The following PLCL1 variants were observed in gnomAD, a reference collection of about 807,000 sequenced individuals.
The protein encoded by PLCL1 is phospholipase C like 1 (inactive), also known as inactive phospholipase C-like protein 1.
In PLCL1, 41 loss-of-function variants were observed where a neutral mutation model predicts 84.4. The observed-to-expected ratio is 0.49, with a 90% CI of 0.38 to 0.63. The LOEUF (loss-of-function observed/expected upper bound fraction) is 0.63, where lower values mean the gene tolerates loss of function less well. Among genes scored for constraint, PLCL1 ranks in the 30% least tolerant of loss-of-function variants. The pLI, the probability that PLCL1 is intolerant of heterozygous loss-of-function variation, is 0.00. For synonymous variants in PLCL1, 490 were observed against 488.3 expected (o/e 1.00, Z -0.05); for missense variants, 1,206 against 1,367.8 (o/e 0.88, Z 1.87).
chr2:197,822,303 C>A (rs778460628), intron 1 of PLCL1, among the ~76,000 whole-genome samples: 11 of 152,142 alleles, frequency 7.2e-5, no homozygotes, highest in Non-Finnish European at 1.3e-4. Context: ...GAGCCAATTT[C>A]ATTTTCAGTC....
intron 2 of PLCL1, among the ~76,000 whole-genome samples, chr2:198,086,507 G>A (rs1266184163): frequency 6.6e-6 from 1 of 152,072 alleles, no homozygotes; most frequent in Non-Finnish European, 1.5e-5. Flanking sequence ...TGTAGTCCCA[G>A]CTACCCAGGA....
Position 198,120,361 on chromosome 2 carries a change from A to G in PLCL1, c.3105+16425A>G, listed in dbSNP as rs138171717. 2.0e-5 allele frequency among the ~76,000 whole-genome samples: 3 copies of G among 152,132 alleles called. No individual in the cohort carries two copies. The East Asian group carries it at 5.8e-4, about 29-fold the overall frequency. On this transcript the variant is annotated intron_variant, in intron 5 of 5. Transcript: ENST00000428675. The stretch of plus-strand genomic sequence containing the variant: ...TCTTTTAGTTATTTTTAAATATACA[A>G]TTAAATTATTATTGACTATAGTCAC...
At chr2:198,038,221 CAT>C (rs1309253441) in intron 1 of PLCL1, among the ~76,000 whole-genome samples, 3 of 152,154 alleles carry the variant, frequency 2.0e-5, no homozygotes, top group Non-Finnish European at 4.4e-5. Flanking sequence ...CACACACACA[CAT>C]ACCCCTTGTG....
intron 1 of PLCL1, among the ~76,000 whole-genome samples, chr2:198,011,787 A>C (rs1455793287): frequency 1.3e-5 from 2 of 152,022 alleles, no homozygotes; most frequent in Non-Finnish European, 2.9e-5. Flanking sequence ...AGGTGCTGTA[A>C]TGTTAAGTAC....
chr2:197,922,366 AT>A (rs574792930), intron 1 of PLCL1, among the ~76,000 whole-genome samples: 80 of 97,848 alleles, frequency 8.2e-4, no homozygotes, highest in African/African-American at 2.5e-3. Flanking sequence ...AGGCAGAAGA[AT>A]TTTTCTTAGT....
At chr2:198,141,477 C>CA (rs60334474) in intron 5 of PLCL1, among the ~76,000 whole-genome samples, 3,925 of 79,098 alleles carry the variant, frequency 0.05, 114 homozygotes, top group African/African-American at 0.083. Flanking sequence ...AGTGTAACAT[C>CA]AAAAAAAAAA....
At chr2:198,113,607 G>A (rs565337389) in intron 5 of PLCL1, among the ~76,000 whole-genome samples, 88 of 152,014 alleles carry the variant, frequency 5.8e-4, no homozygotes, top group Middle Eastern at 3.4e-3. Flanking sequence ...ACAGTGGTGA[G>A]TAAATATTCC....
chr2:197,833,160 G>A (rs754533916), intron 1 of PLCL1, among the ~76,000 whole-genome samples: 2 of 152,088 alleles, frequency 1.3e-5, no homozygotes, highest in African/African-American at 2.4e-5. Flanking sequence ...CTCTCAATAA[G>A]GTAGGTATTG....
At chr2:198,045,701 C>T (rs1344764526) in intron 1 of PLCL1, among the ~76,000 whole-genome samples, 2 of 152,188 alleles carry the variant, frequency 1.3e-5, no homozygotes, top group Non-Finnish European at 2.9e-5. Flanking sequence ...ATCAATGGCT[C>T]TGCCAGATTC....
chr2:198,027,982 C>T (rs1691313769), intron 1 of PLCL1, among the ~76,000 whole-genome samples: 2 of 151,962 alleles, frequency 1.3e-5, no homozygotes, highest in Admixed American at 6.6e-5. Flanking sequence ...TACAGTTATG[C>T]ACTACCATGC....
At chr2:198,057,526 T>C (rs1692097337) in intron 1 of PLCL1, among the ~76,000 whole-genome samples, 1 of 152,116 alleles carries the variant, frequency 6.6e-6, no homozygotes, top group Admixed American at 6.6e-5. Context: ...AAAGCAGTAA[T>C]AAAAGGAGGA....
intron 1 of PLCL1, among the ~76,000 whole-genome samples, chr2:197,817,480 G>A (rs1305758285): frequency 1.3e-5 from 2 of 152,010 alleles, no homozygotes; most frequent in African/African-American, 2.4e-5. Context: ...GGGTTTTGCT[G>A]TGTTTCCCAG....
At chr2:198,103,334 G>A (rs998602179) in intron 4 of PLCL1, among the ~76,000 whole-genome samples, 8 of 151,314 alleles carry the variant, frequency 5.3e-5, no homozygotes, top group African/African-American at 1.9e-4. Flanking sequence ...ATATTTTTGG[G>A]GTACATGAGA....
intron 1 of PLCL1, among the ~76,000 whole-genome samples, chr2:197,933,269 T>C (rs957058271): frequency 8.1e-5 from 12 of 147,440 alleles, no homozygotes; most frequent in South Asian, 2.1e-4. Context: ...TCTTTTCTTT[T>C]TTTTTTTTTT....
At chr2:198,070,600 A>G (rs1383031515) in intron 1 of PLCL1, among the ~76,000 whole-genome samples, 1 of 152,032 alleles carries the variant, frequency 6.6e-6, no homozygotes, top group East Asian at 1.9e-4. Context: ...ATTTTTACAT[A>G]TTGTATTAGA....
intron 1 of PLCL1, among the ~76,000 whole-genome samples, chr2:198,034,438 C>A (rs1015025967): frequency 1.3e-5 from 2 of 152,072 alleles, no homozygotes; most frequent in African/African-American, 4.8e-5. Context: ...ATGTTTACTG[C>A]GGCACTATTC....
intron 5 of PLCL1, among the ~76,000 whole-genome samples, chr2:198,141,203 G>A (rs866639778): frequency 1.2e-4 from 19 of 152,268 alleles, no homozygotes; most frequent in Non-Finnish European, 2.5e-4. Flanking sequence ...CAAGTAGAAT[G>A]CAGTTGAAAT....
intron 1 of PLCL1, among the ~76,000 whole-genome samples, chr2:197,944,796 G>T (rs754996342): frequency 6.6e-6 from 1 of 152,122 alleles, no homozygotes; most frequent in Admixed American, 6.5e-5. Context: ...GGACAAATCA[G>T]CTTGCTTCTT....
intron 1 of PLCL1, among the ~76,000 whole-genome samples, chr2:197,830,267 A>G (rs774349185): frequency 3.3e-4 from 50 of 151,980 alleles, no homozygotes; most frequent in Non-Finnish European, 6.0e-4. Context: ...GAAGCTAGGA[A>G]CCTTGAAAAA....
Sources: gnomAD v4.1 joint callset for allele counts (sites outside exome capture counted in the v4.1 genomes callset) on GRCh38, gnomAD v4.1.1 for gene constraint, MANE v1.5 for transcripts, NCBI Gene and HGNC (gene_info 2026-07-23, HGNC 2026-07-21) for gene names.